IL6ST: variants seen among roughly 807,000 people sequenced by gnomAD.
IL6ST encodes interleukin 6 cytokine family signal transducer.
IL6ST carries 24 observed loss-of-function variants against 91.3 expected under a neutral mutation model. That is an observed-to-expected ratio of 0.26 (90% confidence interval 0.19 to 0.37). The LOEUF (loss-of-function observed/expected upper bound fraction) is 0.37, where lower values mean the gene tolerates loss of function less well. Ranked by LOEUF, IL6ST falls within the 10% of genes least tolerant of loss-of-function variation. The pLI, the probability that IL6ST is intolerant of heterozygous loss-of-function variation, is 1.00. For synonymous variants in IL6ST, 351 were observed against 373.6 expected (o/e 0.94, Z 0.70); for missense variants, 914 against 1,078.5 (o/e 0.85, Z 2.14).
In IL6ST at chr5:55,939,059, ATT is replaced by A. The variant is rs909224007; in HGVS notation, c.*2021_*2022del. The A allele has an allele frequency of 9.8e-6, 2 of 205,072 alleles. No homozygotes were observed. Among genetic ancestry groups the A allele is most frequent in the Non-Finnish European group, 2.0e-5 (2 of 100,232 alleles). The allele number at this position is 205,072 out of a possible 1,614,324, so 12.7% of individuals were successfully genotyped here. On this transcript the variant is annotated 3_prime_UTR_variant, in exon 17 of 17. Coordinates refer to ENST00000381298, the MANE Select transcript of IL6ST (RefSeq NM_002184.4). ...ACACTACAACATTCTTCATGACACT[ATT>A]TGTTATGAGGAAAGTTGCAGCTAAA...
At chr5:55,965,973 T>C (rs913178461) in intron 5 of IL6ST, among the ~76,000 whole-genome samples, 3 of 152,312 alleles carry the variant, frequency 2.0e-5, no homozygotes, top group African/African-American at 7.2e-5. Context: ...TGGAGGATAC[T>C]AGGGAATCAA....
At position 55,939,972 on chromosome 5, in the gene IL6ST, G is replaced by A. The variant is rs1750779951; in HGVS notation, c.*1110C>T. On this transcript the variant is annotated 3_prime_UTR_variant, in exon 17 of 17. Transcript: ENST00000381298. Reference sequence around the variant, plus strand: ...AATATTGCCCAAGTTGTCTTAGTGTGCCTCAAACATTTACTAAAAATAAAA... The same window carrying A: ...AATATTGCCCAAGTTGTCTTAGTGTACCTCAAACATTTACTAAAAATAAAA... The A allele has an allele frequency of 4.9e-6, 1 of 202,172 alleles. No homozygotes were observed. Among genetic ancestry groups the A allele is most frequent in the Non-Finnish European group, 1.0e-5 (1 of 98,302 alleles). 12.5% of individuals were successfully genotyped at this position (202,172 alleles called of 1,614,324 possible).
intron 1 of IL6ST, among the ~76,000 whole-genome samples, 198 bp downstream of exon 1, chr5:55,994,586 G>A (rs772670576): frequency 9.2e-5 from 14 of 152,070 alleles, no homozygotes; most frequent in Non-Finnish European, 1.3e-4. Context: ...GATAATCGAG[G>A]TGACAAAGTT....
In IL6ST at chr5:55,940,285, T is replaced by G. The variant is rs929465122; in HGVS notation, c.*797A>C. 1.4e-5 allele frequency: 3 copies of G among 213,626 alleles called. No homozygotes were observed. The highest frequency in any genetic ancestry group is 4.5e-5 in the African/African-American group (2 of 44,328). 13.2% of individuals were successfully genotyped at this position (213,626 alleles called of 1,614,324 possible). On this transcript the variant is annotated 3_prime_UTR_variant, in exon 17 of 17. Coordinates refer to ENST00000381298, the MANE Select transcript of IL6ST (RefSeq NM_002184.4). Reference sequence around the variant, plus strand: ...TTAAGCCTTTAAAAATGGCAATTTTTTAGATGCTTGAGATAGTTTGGGGGA... The same window carrying G: ...TTAAGCCTTTAAAAATGGCAATTTTGTAGATGCTTGAGATAGTTTGGGGGA...
chr5:55,953,987 T>TA (rs1169449689), intron 11 of IL6ST, among the ~76,000 whole-genome samples: 1 of 152,094 alleles, frequency 6.6e-6, no homozygotes, highest in Non-Finnish European at 1.5e-5. Flanking sequence ...ACCCTGTATT[T>TA]ATTTTTTTTT....
chr5:55,954,232 T>C lies in IL6ST; in HGVS notation c.1450+578A>G, dbSNP rs191955650. On this transcript the variant is annotated intron_variant, in intron 11 of 16. Transcript: ENST00000381298. ...ATTATTCACAGCTGAATTCTAATTA[T>C]TAATTATCAACAAAAGACTATAAAC... Among the ~76,000 whole-genome samples the C allele has an allele frequency of 2.0e-3, 299 of 152,344 alleles. 1 individual carries two copies. The highest frequency in any genetic ancestry group is 7.1e-3 in the African/African-American group (294 of 41,582).
At chr5:55,962,922 C>G (rs1268597413) in intron 7 of IL6ST, among the ~76,000 whole-genome samples, 1 of 151,898 alleles carries the variant, frequency 6.6e-6, no homozygotes, top group Non-Finnish European at 1.5e-5. Context: ...TGAGACCATC[C>G]TGGGCAACAC....
chr5:55,953,111 T>C (rs1434894961), intron 11 of IL6ST, among the ~76,000 whole-genome samples: 1 of 152,192 alleles, frequency 6.6e-6, no homozygotes. Context: ...TTTTTTAGCA[T>C]GCACCACTAA....
chr5:55,950,190 G>A, intron 14 of IL6ST: 1 of 494,354 alleles, frequency 2.0e-6, no homozygotes, highest in Non-Finnish European at 4.0e-6. Context: ...ATTTGGGAAG[G>A]AAAGAGAAGA....
intron 11 of IL6ST, among the ~76,000 whole-genome samples, chr5:55,953,380 C>T (rs7731414): frequency 1.3e-5 from 2 of 152,162 alleles, no homozygotes; most frequent in African/African-American, 2.4e-5. Context: ...AATGTCTCCA[C>T]AACTTATGCT....
intron 3 of IL6ST, among the ~76,000 whole-genome samples, chr5:55,974,942 CACACACACACACAT>C (rs1418135376): frequency 6.7e-5 from 10 of 148,796 alleles, no homozygotes; most frequent in Admixed American, 4.0e-4. Flanking sequence ...TTCATACACA[CACACACACACACAT>C]ACACACACAC....
chr5:55,983,143 A>T (rs987973592), intron 1 of IL6ST, among the ~76,000 whole-genome samples: 4 of 151,922 alleles, frequency 2.6e-5, no homozygotes, highest in African/African-American at 9.7e-5. Flanking sequence ...GGGACTAGAG[A>T]TGGCACCATC....
rs1751005194 is a variant in IL6ST at position 55,942,855 on chromosome 5, A to G, written c.1938-104T>C. 12 of 611,950 alleles carry G rather than the reference A, an allele frequency of 2.0e-5. No individual in the cohort carries two copies. The South Asian group carries it at 2.5e-4, about 13-fold the overall frequency. The allele number at this position is 611,950 out of a possible 1,614,324, so 37.9% of individuals were successfully genotyped here. On this transcript the variant is annotated intron_variant, in intron 15 of 16. Coordinates refer to ENST00000381298, the MANE Select transcript of IL6ST (RefSeq NM_002184.4). ...TCAAAGACTCTTACAAACCAAACCA[A>G]TTACCTAAATGAACAAAAAATACCT...
At chr5:55,993,999 T>G (rs1268959684) in intron 1 of IL6ST, 1 of 149,558 alleles carries the variant, frequency 6.7e-6, no homozygotes, top group Non-Finnish European at 1.5e-5. Context: ...GGCAGTATAA[T>G]TGTTGAAATA....
At position 55,940,042 on chromosome 5, in the gene IL6ST, C is replaced by G. The variant is rs1202169009; in HGVS notation, c.*1040G>C. 5.0e-6 allele frequency: 1 copy of G among 198,234 alleles called. No individual in the cohort carries two copies. The highest frequency in any genetic ancestry group is 6.0e-5 in the Admixed American group (1 of 16,604). The allele number at this position is 198,234 out of a possible 1,614,324, so 12.3% of individuals were successfully genotyped here. ...CTTATTTAAAAATAAAAAAAATACT[C>G]AAAACAAATTTAAGCTGAAGATATA... On this transcript the variant is annotated 3_prime_UTR_variant, in exon 17 of 17. Transcript: ENST00000381298.
chr5:55,971,638 G>C (rs1229784942), intron 3 of IL6ST, among the ~76,000 whole-genome samples: 1 of 152,172 alleles, frequency 6.6e-6, no homozygotes, highest in Non-Finnish European at 1.5e-5. Context: ...TGGGCAACAT[G>C]GCAAAACCCC....
At chr5:55,947,470 A>G (rs1386740416) in intron 15 of IL6ST, 23 bp downstream of exon 15, 3 of 1,362,246 alleles carry the variant, frequency 2.2e-6, no homozygotes, top group Non-Finnish European at 3.1e-6. Context: ...GGAAAATGCA[A>G]AAATATGAAT....
rs1357248888 is a variant in IL6ST at position 55,939,739 on chromosome 5, G to A, written c.*1343C>T. The A allele has an allele frequency of 2.4e-5, 5 of 207,964 alleles. No homozygotes were observed. Among genetic ancestry groups the A allele is most frequent in the South Asian group, 1.9e-4 (1 of 5,322 alleles). 12.9% of individuals were successfully genotyped at this position (207,964 alleles called of 1,614,324 possible). On this transcript the variant is annotated 3_prime_UTR_variant, in exon 17 of 17. Coordinates refer to ENST00000381298, the MANE Select transcript of IL6ST (RefSeq NM_002184.4). ...TAGGGGACAGCATAAGTACACTAGC[G>A]GCTTTAGCACTAAACTCGAGGCCTG... is the stretch of plus-strand genomic sequence containing the variant.
chr5:55,986,463 T>A (rs1296556295), intron 1 of IL6ST, among the ~76,000 whole-genome samples: 1 of 152,204 alleles, frequency 6.6e-6, no homozygotes, highest in Admixed American at 6.5e-5. Flanking sequence ...GTATGTTTCT[T>A]CATATTTAAG....
Sources: allele counts gnomAD v4.1 joint callset (sites outside exome capture counted in the v4.1 genomes callset), GRCh38; gene constraint gnomAD v4.1.1; transcripts MANE v1.5; gene names NCBI Gene and HGNC (gene_info 2026-07-23, HGNC 2026-07-21).